The following REDIC1 variants were observed in gnomAD, a reference collection of about 807,000 sequenced individuals.
REDIC1 encodes HEI10 Interacting Protein 1.
chr12:39,842,649 A>G, the REDIC1 span, among the ~76,000 whole-genome samples: 5 of 152,076 alleles, frequency 3.3e-5, no homozygotes, highest in Admixed American at 2.0e-4. Context: ...TATAAAATTT[A>G]CCATTTTAAC....
At chr12:39,734,261 G>A in the REDIC1 span, among the ~76,000 whole-genome samples, 3 of 152,136 alleles carry the variant, frequency 2.0e-5, no homozygotes, top group African/African-American at 7.2e-5. Flanking sequence ...AGTCCCAGTA[G>A]GATGAGCTGG....
the REDIC1 span, among the ~76,000 whole-genome samples, chr12:39,692,512 A>C: frequency 1.4e-5 from 2 of 143,854 alleles, no homozygotes; most frequent in Admixed American, 1.4e-4. Flanking sequence ...TATTGATCCA[A>C]CTCTATATAT....
the REDIC1 span, among the ~76,000 whole-genome samples, chr12:39,899,185 G>C: frequency 2.6e-5 from 4 of 152,052 alleles, no homozygotes; most frequent in East Asian, 1.9e-4. Context: ...TTCAGAGATT[G>C]AACTTCTTCC....
the REDIC1 span, chr12:39,864,972 GAAAC>G: frequency 8.1e-7 from 1 of 1,239,386 alleles, no homozygotes; most frequent in Non-Finnish European, 1.1e-6. Flanking sequence ...AAAAAACAAA[GAAAC>G]AAACAAAAAC....
chr12:39,698,817 A>G, the REDIC1 span, among the ~76,000 whole-genome samples: 1 of 152,210 alleles, frequency 6.6e-6, no homozygotes, highest in Non-Finnish European at 1.5e-5. Flanking sequence ...AATATACCAA[A>G]ACCTGTGGGA....
At chr12:39,691,992 A>T in the REDIC1 span, 1 of 1,412,296 alleles carries the variant, frequency 7.1e-7, no homozygotes, top group Admixed American at 2.3e-5. Context: ...TAAGGTAGAT[A>T]TAAGTGAATA....
At chr12:39,899,553 G>A in the REDIC1 span, among the ~76,000 whole-genome samples, 1 of 152,050 alleles carries the variant, frequency 6.6e-6, no homozygotes, top group Admixed American at 6.6e-5. Flanking sequence ...TGCTTTTCTA[G>A]TTCTTTCAAT....
the REDIC1 span, among the ~76,000 whole-genome samples, chr12:39,672,368 A>T: frequency 6.6e-6 from 1 of 152,000 alleles, no homozygotes; most frequent in African/African-American, 2.4e-5. Context: ...GTGGGTGGGG[A>T]AAGCCTGTCC....
chr12:39,743,931 T>C, the REDIC1 span, among the ~76,000 whole-genome samples: 1 of 151,976 alleles, frequency 6.6e-6, no homozygotes, highest in Non-Finnish European at 1.5e-5. Flanking sequence ...GCTGAAGCAA[T>C]AATGGCTCAG....
At chr12:39,862,150 C>G in the REDIC1 span, among the ~76,000 whole-genome samples, 1 of 152,120 alleles carries the variant, frequency 6.6e-6, no homozygotes, top group Admixed American at 6.5e-5. Context: ...TGAATCAGGC[C>G]TTGGAAAATA....
chr12:39,706,502 A>T, the REDIC1 span, among the ~76,000 whole-genome samples: 1 of 152,094 alleles, frequency 6.6e-6, no homozygotes, highest in Non-Finnish European at 1.5e-5. Flanking sequence ...AGCCTAAGTT[A>T]TCCTAAGCAA....
At chr12:39,846,601 A>G in the REDIC1 span, among the ~76,000 whole-genome samples, 1 of 152,088 alleles carries the variant, frequency 6.6e-6, no homozygotes, top group Non-Finnish European at 1.5e-5. Context: ...ACAGGCACAT[A>G]CCAACATGTG....
At chr12:39,789,722 T>C in the REDIC1 span, among the ~76,000 whole-genome samples, 1 of 152,182 alleles carries the variant, frequency 6.6e-6, no homozygotes, top group Non-Finnish European at 1.5e-5. Flanking sequence ...CTTTTTTAAG[T>C]ATCCATTAAC....
the REDIC1 span, among the ~76,000 whole-genome samples, chr12:39,697,344 T>C: frequency 6.6e-6 from 1 of 152,196 alleles, no homozygotes; most frequent in Non-Finnish European, 1.5e-5. Flanking sequence ...ACCAGACCTG[T>C]TCTGCAAGAA....
chr12:39,666,396 T>G, the REDIC1 span, among the ~76,000 whole-genome samples: 2 of 152,152 alleles, frequency 1.3e-5, no homozygotes, highest in African/African-American at 4.8e-5. Context: ...TGAACCAGCC[T>G]TGCACCCCAG....
chr12:39,872,065 A>C, the REDIC1 span: 2 of 914,736 alleles, frequency 2.2e-6, no homozygotes, highest in Non-Finnish European at 3.0e-6. Context: ...TATAAGGAGA[A>C]CTACAGTAAT....
chr12:39,711,665 ACACATGTATGTGTGTATG>A, the REDIC1 span, among the ~76,000 whole-genome samples: 2 of 139,990 alleles, frequency 1.4e-5, no homozygotes, highest in Admixed American at 7.0e-5. Flanking sequence ...GTATGTCTAT[ACACATGTATGTGTGTATG>A]CACATGTATG....
the REDIC1 span, among the ~76,000 whole-genome samples, chr12:39,895,551 T>TACACAC: frequency 1.6e-4 from 11 of 66,762 alleles, 1 homozygote; most frequent in African/African-American, 5.6e-4. Flanking sequence ...TATATATATA[T>TACACAC]ACACACACAC....
chr12:39,735,639 T>G, the REDIC1 span, among the ~76,000 whole-genome samples: 9 of 152,218 alleles, frequency 5.9e-5, no homozygotes, highest in Admixed American at 2.0e-4. Flanking sequence ...AAGGCCAAAT[T>G]TAGGGCACTG....
Sources: gnomAD v4.1 joint callset for allele counts (sites outside exome capture counted in the v4.1 genomes callset) on GRCh38, gnomAD v4.1.1 for gene constraint, MANE v1.5 for transcripts, NCBI Gene and HGNC (gene_info 2026-07-23, HGNC 2026-07-21) for gene names.